The following ZGPAT variants were observed in gnomAD, a reference collection of about 807,000 sequenced individuals.
ZGPAT encodes the protein zinc finger CCCH-type with G patch domain-containing protein.
ZGPAT carries 39 observed loss-of-function variants against 47.9 expected under a neutral mutation model. That is an observed-to-expected ratio of 0.81 (90% confidence interval 0.63 to 1.06). ZGPAT has a LOEUF of 1.06. Ranked by LOEUF, ZGPAT falls within the 50% of genes least tolerant of loss-of-function variation. The pLI, the probability that ZGPAT is intolerant of heterozygous loss-of-function variation, is 0.00. For synonymous variants in ZGPAT, 348 were observed against 292.9 expected (o/e 1.19, Z -1.92); for missense variants, 717 against 681.4 (o/e 1.05, Z -0.58).
At chr20:63,723,046 T>G (rs528938138) in intron 2 of ZGPAT, among the ~76,000 whole-genome samples, 13 of 152,098 alleles carry the variant, frequency 8.5e-5, no homozygotes, top group African/African-American at 3.1e-4. Context: ...CATAGTTCCA[T>G]CCTCCCTCCT....
Position 63,733,204 on chromosome 20 carries a change from C to A in ZGPAT, c.585-15C>A. The A allele has an allele frequency of 6.2e-7, 1 of 1,611,474 alleles. No homozygotes were observed. The highest frequency in any genetic ancestry group is 8.5e-7 in the Non-Finnish European group (1 of 1,178,268). On this transcript the variant is annotated splice_polypyrimidine_tract_variant and intron_variant, in intron 2 of 6. Coordinates refer to ENST00000355969, the MANE Select transcript of ZGPAT (RefSeq NM_181485.3). ...GCCCATGTCTGAGCCCTGCCCCTTA[C>A]GGCTCTGTCTGCAGGTTCTCCCATG... is the stretch of plus-strand genomic sequence containing the variant.
At chr20:63,734,155 G>A (rs181122168) in intron 4 of ZGPAT, 18 of 278,744 alleles carry the variant, frequency 6.5e-5, no homozygotes, top group East Asian at 1.9e-4. Context: ...TGGAAGTTTC[G>A]GGAATGGGAA....
At chr20:63,720,053 T>C (rs556871888) in intron 2 of ZGPAT, among the ~76,000 whole-genome samples, 1 of 152,134 alleles carries the variant, frequency 6.6e-6, no homozygotes, top group African/African-American at 2.4e-5. Context: ...CTTTTTTTAG[T>C]GTATTTAAGG....
At position 63,735,311 on chromosome 20, in the gene ZGPAT, G is replaced by C. The variant is rs748707620; in HGVS notation, c.1144G>C (p.Gly382Arg). The C allele has an allele frequency of 1.3e-6, 2 of 1,595,912 alleles. No homozygotes were observed. Among genetic ancestry groups the C allele is most frequent in the African/African-American group, 1.3e-5 (1 of 74,454 alleles). Residue 382 changes from glycine (G) to arginine (R), a missense_variant, in exon 6 of 7, where the codon GGG becomes CGG. Physicochemically the swap from Gly to Arg is moderately radical, Grantham distance 125. Transcript: ENST00000355969. ...TNKPPRCRGRGARPGGRPAPR... is the reference protein window; with the variant it reads ...TNKPPRCRGRRARPGGRPAPR... The stretch of plus-strand genomic sequence containing the variant: ...CAAGCCCCCCAGGTGCCGGGGAAGA[G>C]GGGCCAGGCCTGGGGGCCGCCCAGC...
chr20:63,711,296 C>T (rs1236666229), intron 2 of ZGPAT, among the ~76,000 whole-genome samples: 1 of 152,178 alleles, frequency 6.6e-6, no homozygotes, highest in African/African-American at 2.4e-5. Context: ...GTGGTGCTCC[C>T]TCTGGGCCAG....
rs574727926 is a variant in ZGPAT at position 63,718,520 on chromosome 20, C to T, written c.584+9356C>T. ...GCTAATTTTTGTATTTTAGTCTTAA[C>T]GTGCTGGTCAGACTGGTCTCGAATT... On this transcript the variant is annotated intron_variant, in intron 2 of 6. Coordinates refer to ENST00000355969, the MANE Select transcript of ZGPAT (RefSeq NM_181485.3). Among the ~76,000 whole-genome samples the T allele has an allele frequency of 5.3e-5, 8 of 151,964 alleles. No individual in the cohort carries two copies. The East Asian group carries it at 1.2e-3, about 22-fold the overall frequency.
At chr20:63,722,308 C>T (rs1479226220) in intron 2 of ZGPAT, among the ~76,000 whole-genome samples, 2 of 152,174 alleles carry the variant, frequency 1.3e-5, no homozygotes, top group Non-Finnish European at 2.9e-5. Context: ...CTTCATTGAG[C>T]AGTCATCTGG....
chr20:63,716,422 T>C (rs573257526), intron 2 of ZGPAT, among the ~76,000 whole-genome samples: 6 of 152,220 alleles, frequency 3.9e-5, no homozygotes, highest in Non-Finnish European at 8.8e-5. Context: ...TTGTTCATAG[T>C]ATCCTTTTAT....
rs941203859 is a variant in ZGPAT at position 63,724,319 on chromosome 20, C to T, written c.585-8900C>T. 6.0e-5 allele frequency among the ~76,000 whole-genome samples: 9 copies of T among 149,168 alleles called. No individual in the cohort carries two copies. The South Asian group carries it at 8.4e-4, about 14-fold the overall frequency. On this transcript the variant is annotated intron_variant, in intron 2 of 6. Transcript: ENST00000355969. ...AAGCGGAGGTTGCAGTGAGCAAGAT[C>T]GCACCACTGCATTACAGCCTAGATG...
At chr20:63,732,345 G>GT (rs1422985150) in intron 2 of ZGPAT, among the ~76,000 whole-genome samples, 76 of 27,100 alleles carry the variant, frequency 2.8e-3, no homozygotes, top group African/African-American at 7.1e-3. Context: ...GTGTGGGTGA[G>GT]GTGTGTGTGT....
rs1267326545 is a variant in ZGPAT at position 63,713,483 on chromosome 20, G to A, written c.584+4319G>A. On this transcript the variant is annotated intron_variant, in intron 2 of 6. Transcript: ENST00000355969. Reference sequence around the variant, plus strand: ...TGACCTCAGGTGATCTGCCTGCCTCGGCCTCCCAAAGTGCTGGGATTACAG... The same window carrying A: ...TGACCTCAGGTGATCTGCCTGCCTCAGCCTCCCAAAGTGCTGGGATTACAG... Among the ~76,000 whole-genome samples the A allele has an allele frequency of 2.6e-5, 4 of 151,580 alleles. No individual in the cohort carries two copies. In the East Asian group the frequency reaches 7.9e-4, roughly 30 times the overall value.
chr20:63,735,667 A>G, intron 6 of ZGPAT, 103 bp downstream of exon 6: 1 of 1,516,588 alleles, frequency 6.6e-7, no homozygotes, highest in South Asian at 1.3e-5. Flanking sequence ...GGCTGAGTCC[A>G]GGAGGGGTCT....
chr20:63,713,882 A>G (rs1429130881), intron 2 of ZGPAT, among the ~76,000 whole-genome samples: 1 of 151,864 alleles, frequency 6.6e-6, no homozygotes, highest in Non-Finnish European at 1.5e-5. Flanking sequence ...AAAAAAAAAA[A>G]AAAAGAAATA....
intron 2 of ZGPAT, among the ~76,000 whole-genome samples, chr20:63,725,924 C>T (rs1435231660): frequency 1.3e-5 from 2 of 149,032 alleles, no homozygotes; most frequent in Non-Finnish European, 3.0e-5. Context: ...CCTCCACCAC[C>T]TTCGAGGTTC....
At position 63,733,344 on chromosome 20, in the gene ZGPAT, G is replaced by C; in HGVS notation, c.710G>C (p.Arg237Pro). 2 of 1,611,104 alleles carry C rather than the reference G, an allele frequency of 1.2e-6. No individual in the cohort carries two copies. The highest frequency in any genetic ancestry group is 1.7e-6 in the Non-Finnish European group (2 of 1,179,608). Residue 237 changes from arginine to proline, a missense_variant, in exon 3 of 7, where the codon CGC (arginine) becomes CCC (proline). Coordinates refer to ENST00000355969, the MANE Select transcript of ZGPAT (RefSeq NM_181485.3). Reference protein sequence around the residue: ...KHQDGLWHAARITDVDNGYYT... With the variant: ...KHQDGLWHAAPITDVDNGYYT... ...CAGGATGGCCTCTGGCACGCAGCAC[G>C]CATCACCGGTGAGGCTGGCCGTGGG...
intron 2 of ZGPAT, among the ~76,000 whole-genome samples, chr20:63,730,904 C>T (rs2091890813): frequency 6.7e-6 from 1 of 149,730 alleles, no homozygotes; most frequent in Non-Finnish European, 1.5e-5. Flanking sequence ...TTCTGTCTGT[C>T]CCCACATTTC....
chr20:63,722,701 C>T (rs139247858), intron 2 of ZGPAT, among the ~76,000 whole-genome samples: 5,906 of 151,244 alleles, frequency 0.039, 386 homozygotes, highest in African/African-American at 0.14. Context: ...GGTGTGATCT[C>T]GGCTCACTGC....
Position 63,733,586 on chromosome 20 carries a change from G to C in ZGPAT, c.719-1G>C, listed in dbSNP as rs1160246017. 1 of 1,614,046 alleles carries C rather than the reference G, an allele frequency of 6.2e-7. No individual in the cohort carries two copies. The highest frequency in any genetic ancestry group is 1.3e-5 in the African/African-American group (1 of 74,946). On this transcript the variant is annotated splice_acceptor_variant, in intron 3 of 6. Coordinates refer to ENST00000355969, the MANE Select transcript of ZGPAT (RefSeq NM_181485.3). LOFTEE classifies it high-confidence loss of function. ...GACCTGCAGCTTGTCTCTGCCCCCA[G>C]ATGTGGACAACGGCTACTACACAGT... is the stretch of plus-strand genomic sequence containing the variant.
chr20:63,719,208 T>A (rs543666237), intron 2 of ZGPAT, among the ~76,000 whole-genome samples: 2 of 152,310 alleles, frequency 1.3e-5, no homozygotes, highest in South Asian at 4.1e-4. Context: ...TATCTTTGGG[T>A]TTCAGCAGTT....
Sources: gnomAD v4.1 joint callset for allele counts (sites outside exome capture counted in the v4.1 genomes callset) on GRCh38, gnomAD v4.1.1 for gene constraint, MANE v1.5 for transcripts, NCBI Gene and HGNC (gene_info 2026-07-23, HGNC 2026-07-21) for gene names.